Variants in DUSP22 observed in about 807,000 individuals in gnomAD.
DUSP22 encodes dual specificity phosphatase 22.
DUSP22 carries 24 observed loss-of-function variants against 24.5 expected under a neutral mutation model. The observed-to-expected ratio is 0.98, with a 90% CI of 0.71 to 1.38. The LOEUF is 1.38. Among genes scored for constraint, DUSP22 ranks in the 40% most tolerant of loss-of-function variants. DUSP22 has a pLI of 0.00. For synonymous variants in DUSP22, 160 were observed against 106.4 expected (o/e 1.50, Z -3.10); for missense variants, 330 against 269.2 (o/e 1.23, Z -1.58).
intron 2 of DUSP22, among the ~76,000 whole-genome samples, chr6:309,934 C>T (rs1345827558): frequency 6.6e-6 from 1 of 152,280 alleles, no homozygotes; most frequent in African/African-American, 2.4e-5. Flanking sequence ...TAAACATTTG[C>T]CTTTCTTTGT....
At chr6:347,979 A>G (rs1759961441) in intron 5 of DUSP22, 124 bp from the exon 6 acceptor site, 3 of 1,435,204 alleles carry the variant, frequency 2.1e-6, no homozygotes, top group African/African-American at 1.4e-5. Flanking sequence ...TGCTGTCCAC[A>G]TATAATCCAA....
intron 2 of DUSP22, 91 bp downstream of exon 2, chr6:304,752 T>C (rs1292346967): frequency 6.4e-7 from 1 of 1,558,708 alleles, no homozygotes; most frequent in Non-Finnish European, 8.8e-7. Flanking sequence ...GTCAGTGGCT[T>C]TAAGTAATTT....
chr6:343,037 C>G (rs1759684146), intron 4 of DUSP22, among the ~76,000 whole-genome samples: 1 of 150,142 alleles, frequency 6.7e-6, no homozygotes, highest in Non-Finnish European at 1.5e-5. Context: ...TCGTGCCCCA[C>G]TCTGCTGTAT....
At chr6:335,024 T>G (rs1485860568) in intron 3 of DUSP22, 90 bp from the exon 4 acceptor site, 3 of 1,413,236 alleles carry the variant, frequency 2.1e-6, no homozygotes, top group Non-Finnish European at 1.9e-6. Context: ...TTTTTTTATT[T>G]TTTGACCTGT....
At chr6:335,611 A>G (rs551182511) in intron 4 of DUSP22, among the ~76,000 whole-genome samples, 26 of 152,408 alleles carry the variant, frequency 1.7e-4, no homozygotes, top group Admixed American at 1.4e-3. Context: ...ATTAATTCTA[A>G]TAATATATTT....
Position 349,228 on chromosome 6 carries a change from T to G in DUSP22, c.*277T>G. ...ACGTGCGTGTGTGTGAGTGCACTTG[T>G]GTGTGGGTGACTAAGTGGATGCATG... On this transcript the variant is annotated 3_prime_UTR_variant, in exon 7 of 7. Transcript: ENST00000419235. 1 of 1,377,450 alleles carries G rather than the reference T, an allele frequency of 7.3e-7. No individual in the cohort carries two copies. Among genetic ancestry groups the G allele is most frequent in the East Asian group, 2.8e-5 (1 of 35,768 alleles). The allele number at this position is 1,377,450 out of a possible 1,614,324, so 85.3% of individuals were successfully genotyped here.
Position 292,571 on chromosome 6 carries a change from C to T in DUSP22, c.21+11C>T, listed in dbSNP as rs1431534777. The T allele has an allele frequency of 2.5e-6, 4 of 1,596,486 alleles. No homozygotes were observed. Among genetic ancestry groups the T allele is most frequent in the Non-Finnish European group, 3.4e-6 (4 of 1,172,128 alleles). On this transcript the variant is annotated intron_variant, in intron 1 of 6. Transcript: ENST00000419235. The stretch of plus-strand genomic sequence containing the variant: ...AATGGGATGAACAAGGTAACGTCTT[C>T]CCTCGTTCGCGCTGGGTTTGCCTCC...
chr6:335,727 G>T (rs952020383), intron 4 of DUSP22, among the ~76,000 whole-genome samples: 1 of 152,310 alleles, frequency 6.6e-6, no homozygotes, highest in African/African-American at 2.4e-5. Context: ...GGGCTCTGGC[G>T]TGCTGTTTCA....
intron 6 of DUSP22, 189 bp from the exon 7 acceptor site, chr6:348,579 AC>A (rs1238034063): frequency 4.9e-6 from 5 of 1,027,920 alleles, no homozygotes; most frequent in Non-Finnish European, 1.4e-6. Flanking sequence ...CTAGGCCAGC[AC>A]CTTGAAGGAG....
chr6:312,094 T>G (rs1248875141), intron 3 of DUSP22, 132 bp downstream of exon 3: 1 of 1,019,594 alleles, frequency 9.8e-7, no homozygotes, highest in African/African-American at 1.6e-5. Context: ...GCATTCCCAT[T>G]GTGTTCAGGC....
chr6:314,261 C>G (rs1479482627), intron 3 of DUSP22, among the ~76,000 whole-genome samples: 1 of 152,294 alleles, frequency 6.6e-6, no homozygotes, highest in African/African-American at 2.4e-5. Flanking sequence ...CCGAGATCTT[C>G]AAAACCATAC....
At position 350,100 on chromosome 6, in the gene DUSP22, A is replaced by G. The variant is rs1760120869; in HGVS notation, c.*1149A>G. 3 of 985,976 alleles carry G rather than the reference A, an allele frequency of 3.0e-6. No individual in the cohort carries two copies. The highest frequency in any genetic ancestry group is 3.6e-6 in the Non-Finnish European group (3 of 830,298). 61.1% of individuals were successfully genotyped at this position (985,976 alleles called of 1,614,324 possible). On this transcript the variant is annotated 3_prime_UTR_variant, in exon 7 of 7. Coordinates refer to ENST00000419235, the MANE Select transcript of DUSP22 (RefSeq NM_001286555.3). ...ATAATTGATCTGAGCTACCTCATTG[A>G]ATGTTTTTGGAAAGGTGTTTTTTGG...
chr6:301,432 C>T (rs1757575708), intron 1 of DUSP22, among the ~76,000 whole-genome samples: 1 of 152,306 alleles, frequency 6.6e-6, no homozygotes, highest in South Asian at 2.1e-4. Context: ...CGGTTGGAGC[C>T]AACCTGCGGA....
chr6:332,980 T>C (rs1401987743), intron 3 of DUSP22, among the ~76,000 whole-genome samples: 1 of 152,306 alleles, frequency 6.6e-6, no homozygotes, highest in Non-Finnish European at 1.5e-5. Flanking sequence ...CAATGGTGGC[T>C]GCAGGAGGTG....
chr6:338,037 C>A (rs1456183161), intron 4 of DUSP22: 2 of 152,506 alleles, frequency 1.3e-5, no homozygotes, highest in African/African-American at 4.8e-5. Flanking sequence ...AGTAAGACTT[C>A]TGTTTCAGCT....
At chr6:311,991 G>T (rs747870934) in intron 3 of DUSP22, 29 bp downstream of exon 3, 5 of 1,600,886 alleles carry the variant, frequency 3.1e-6, no homozygotes, top group South Asian at 1.1e-5. Context: ...GCGTGTGTGG[G>T]TGTCCTCATT....
At chr6:309,753 G>A (rs571494779) in intron 2 of DUSP22, among the ~76,000 whole-genome samples, 142 of 152,224 alleles carry the variant, frequency 9.3e-4, no homozygotes, top group Non-Finnish European at 1.3e-3. Flanking sequence ...TTGTAATTCC[G>A]TCTCTGAGCT....
intron 5 of DUSP22, 69 bp from the exon 6 acceptor site, chr6:348,034 A>G (rs1759965453): frequency 1.9e-6 from 3 of 1,595,772 alleles, no homozygotes; most frequent in South Asian, 1.1e-5. Flanking sequence ...CCCCCGCTCC[A>G]CATGGATTGG....
At chr6:323,381 G>A (rs920477560) in intron 3 of DUSP22, among the ~76,000 whole-genome samples, 3 of 152,428 alleles carry the variant, frequency 2.0e-5, no homozygotes, top group South Asian at 2.1e-4. Flanking sequence ...CAGGGGCATC[G>A]CCAGCTAGCT....
Sources: allele counts gnomAD v4.1 joint callset (sites outside exome capture counted in the v4.1 genomes callset), GRCh38; gene constraint gnomAD v4.1.1; transcripts MANE v1.5; gene names NCBI Gene and HGNC (gene_info 2026-07-23, HGNC 2026-07-21).